AQR: variants seen among roughly 807,000 people sequenced by gnomAD.
AQR encodes RNA helicase aquarius.
Under a neutral mutation model 180.5 loss-of-function variants are expected in AQR, and 61 were observed. The observed-to-expected ratio is 0.34, with a 90% CI of 0.28 to 0.42. The LOEUF is 0.42. Among genes scored for constraint, AQR ranks in the 10% least tolerant of loss-of-function variants. The pLI, the probability that AQR is intolerant of heterozygous loss-of-function variation, is 1.00. For missense variants in AQR, 1,281 were observed against 1,798.3 expected, an observed-to-expected ratio of 0.71 and a Z score of 5.20; for synonymous variants, 551 against 588.8, an observed-to-expected ratio of 0.94 and a Z score of 0.93.
At chr15:34,961,916 A>G (rs1258887137) in intron 2 of AQR, among the ~76,000 whole-genome samples, 2 of 152,186 alleles carry the variant, frequency 1.3e-5, no homozygotes, top group African/African-American at 4.8e-5. Flanking sequence ...ACAGTTATCA[A>G]TAGCAGCAGT....
chr15:34,967,180 C>T (rs1176338966), intron 1 of AQR, among the ~76,000 whole-genome samples: 1 of 149,308 alleles, frequency 6.7e-6, no homozygotes, highest in Non-Finnish European at 1.5e-5. Flanking sequence ...AGCCACAAGC[C>T]ACCGCACCCG....
At chr15:34,944,222 C>T in intron 6 of AQR, 66 bp downstream of exon 6, 4 of 1,443,242 alleles carry the variant, frequency 2.8e-6, no homozygotes, top group Non-Finnish European at 3.7e-6. Flanking sequence ...GAGGTAATTT[C>T]ATCTAAACTC....
At chr15:34,889,019 A>AC (rs903389212) in intron 24 of AQR, among the ~76,000 whole-genome samples, 1 of 152,182 alleles carries the variant, frequency 6.6e-6, no homozygotes, top group Non-Finnish European at 1.5e-5. Flanking sequence ...TAAAAATTCT[A>AC]CCCCTATTCT....
chr15:34,865,628 T>G (rs191857640), intron 32 of AQR, among the ~76,000 whole-genome samples: 3 of 152,356 alleles, frequency 2.0e-5, no homozygotes, highest in Admixed American at 2.0e-4. Flanking sequence ...AGCAGCATTA[T>G]TCATTCTAAT....
At chr15:34,944,024 T>C (rs1395608927) in intron 6 of AQR, among the ~76,000 whole-genome samples, 2 of 152,252 alleles carry the variant, frequency 1.3e-5, no homozygotes, top group Admixed American at 1.3e-4. Flanking sequence ...TCAGTTCTTA[T>C]AATCATTTTT....
At chr15:34,903,178 T>C (rs1893358527) in intron 19 of AQR, among the ~76,000 whole-genome samples, 1 of 152,080 alleles carries the variant, frequency 6.6e-6, no homozygotes, top group Admixed American at 6.5e-5. Flanking sequence ...TCTTGGATTA[T>C]TTTAAAAAAC....
At position 34,867,580 on chromosome 15, in the gene AQR, T is replaced by C. The variant is rs1455550396; in HGVS notation, c.3798A>G (p.Gln1266=). 1 of 1,611,362 alleles carries C rather than the reference T, an allele frequency of 6.2e-7. No individual in the cohort carries two copies. The highest frequency in any genetic ancestry group is 1.1e-5 in the South Asian group (1 of 90,416). ...KVTTVDRFQG[Q]QNDYILLSLV... ...GAGAAAGAAGAATATAGTCATTCTG[T>C]TGACCTTGAAATCTATCAACAGTTG... The change falls in exon 32 of 35, where the codon CAA becomes CAG. Residue 1266 remains glutamine (Q), a synonymous_variant. Transcript: ENST00000156471.
intron 33 of AQR, among the ~76,000 whole-genome samples, chr15:34,862,406 C>T (rs899084675): frequency 6.6e-6 from 1 of 152,086 alleles, no homozygotes; most frequent in African/African-American, 2.4e-5. Flanking sequence ...TTCTCTGACC[C>T]TAAGTTTCTC....
At chr15:34,957,946 A>G (rs1408862592) in intron 3 of AQR, among the ~76,000 whole-genome samples, 1 of 152,102 alleles carries the variant, frequency 6.6e-6, no homozygotes, top group African/African-American at 2.4e-5. Flanking sequence ...GCAGTGGCTC[A>G]CGCCTGTAAT....
intron 10 of AQR, 101 bp downstream of exon 10, chr15:34,934,470 G>A: frequency 1.6e-6 from 1 of 625,142 alleles, no homozygotes; most frequent in Non-Finnish European, 2.5e-6. Flanking sequence ...CATATGTATT[G>A]AAAAGAAAAG....
chr15:34,863,272 A>AAT, intron 32 of AQR: 1 of 427,862 alleles, frequency 2.3e-6, no homozygotes, highest in South Asian at 4.2e-5. Flanking sequence ...AGGATCACAA[A>AAT]ATAACCAATG....
chr15:34,916,939 T>C (rs1015993086), intron 15 of AQR, among the ~76,000 whole-genome samples: 2 of 149,722 alleles, frequency 1.3e-5, no homozygotes, highest in African/African-American at 4.9e-5. Flanking sequence ...AAGGTACCAG[T>C]AAAGTAAAAG....
chr15:34,926,758 A>G (rs928413032), intron 13 of AQR, among the ~76,000 whole-genome samples: 4 of 152,190 alleles, frequency 2.6e-5, no homozygotes, highest in South Asian at 4.1e-4. Flanking sequence ...GTCGTTTATG[A>G]CTGATGAGAT....
chr15:34,898,116 G>A (rs1893276228), intron 20 of AQR, among the ~76,000 whole-genome samples: 1 of 152,164 alleles, frequency 6.6e-6, no homozygotes, highest in Admixed American at 6.5e-5. Context: ...CAACAGCAGA[G>A]GCCAAGTACA....
intron 32 of AQR, 131 bp from the exon 33 acceptor site, chr15:34,863,172 C>A: frequency 2.4e-6 from 2 of 826,120 alleles, no homozygotes; most frequent in Non-Finnish European, 3.6e-6. Flanking sequence ...TTCTTAAAAA[C>A]TTAATAGAAG....
At chr15:34,878,794 C>A (rs949095386) in intron 27 of AQR, among the ~76,000 whole-genome samples, 2 of 151,882 alleles carry the variant, frequency 1.3e-5, no homozygotes, top group African/African-American at 2.4e-5. Flanking sequence ...ACTTTGGGAG[C>A]CCGAGGCTGG....
At chr15:34,887,783 G>T (rs900963005) in intron 24 of AQR, among the ~76,000 whole-genome samples, 3 of 152,180 alleles carry the variant, frequency 2.0e-5, no homozygotes, top group African/African-American at 7.2e-5. Flanking sequence ...ATTTGAGGTA[G>T]CAAGGGATGA....
intron 34 of AQR, among the ~76,000 whole-genome samples, chr15:34,858,546 T>A (rs1178211000): frequency 1.3e-5 from 2 of 152,134 alleles, no homozygotes; most frequent in Non-Finnish European, 1.5e-5. Context: ...AATATCCTTT[T>A]AAAAACTGCA....
chr15:34,950,436 T>C (rs976228666), intron 4 of AQR, among the ~76,000 whole-genome samples: 1 of 152,182 alleles, frequency 6.6e-6, no homozygotes, highest in Non-Finnish European at 1.5e-5. Flanking sequence ...TTCTAGTTCA[T>C]TCCCTCAGAT....
Sources: gnomAD v4.1 joint callset for allele counts (sites outside exome capture counted in the v4.1 genomes callset) on GRCh38, gnomAD v4.1.1 for gene constraint, MANE v1.5 for transcripts, NCBI Gene and HGNC (gene_info 2026-07-23, HGNC 2026-07-21) for gene names.